The following OSBPL1A variants were observed in gnomAD, a reference collection of about 807,000 sequenced individuals.
The protein encoded by OSBPL1A is oxysterol-binding protein-related protein 1.
In OSBPL1A, 80 loss-of-function variants were observed where a neutral mutation model predicts 137.1. The observed-to-expected ratio is 0.58, with a 90% confidence interval of 0.49 to 0.70. The LOEUF (loss-of-function observed/expected upper bound fraction) is 0.70. Ranked by LOEUF, OSBPL1A falls within the 30% of genes least tolerant of loss-of-function variation. The probability of loss-of-function intolerance (pLI) is 0.00; values close to 1 mark genes in which losing one functional copy is unlikely to be tolerated. For synonymous variants in OSBPL1A, 365 were observed against 389.7 expected (o/e 0.94, Z 0.75); for missense variants, 970 against 1,129.4 (o/e 0.86, Z 2.02).
At chr18:24,377,323 A>C in intron 2 of OSBPL1A, 90 bp downstream of exon 2, 1 of 1,414,620 alleles carries the variant, frequency 7.1e-7, no homozygotes, top group Non-Finnish European at 9.4e-7. Context: ...GAGATTAATT[A>C]CATGATAGAT....
At chr18:24,334,088 T>A (rs2091129509) in intron 6 of OSBPL1A, among the ~76,000 whole-genome samples, 157 bp downstream of exon 6, 1 of 152,134 alleles carries the variant, frequency 6.6e-6, no homozygotes, top group Admixed American at 6.6e-5. Context: ...ATGCTGAGTG[T>A]TTTTAGATAT....
intron 18 of OSBPL1A, chr18:24,195,905 T>G (rs369933208): frequency 1.9e-4 from 89 of 466,998 alleles, no homozygotes; most frequent in South Asian, 7.4e-4. Context: ...CAGTTTCTGT[T>G]TGTTTTTTTT....
Position 24,283,212 on chromosome 18 carries a change from C to T in OSBPL1A, c.1175-2264G>A, listed in dbSNP as rs145854549. ...CCTGGGACGTGGAGGTTGCAGTAAG[C>T]GGAGATGGCACCACAGCACTCCAGC... is the stretch of plus-strand genomic sequence containing the variant. On this transcript the variant is annotated intron_variant, in intron 14 of 27. Transcript: ENST00000319481. Among the ~76,000 whole-genome samples the T allele has an allele frequency of 3.0e-3, 407 of 135,008 alleles. 2 individuals are homozygous for T. Among genetic ancestry groups the T allele is most frequent in the African/African-American group, 0.011 (374 of 35,588 alleles). 88.6% of individuals were successfully genotyped at this position (135,008 alleles called of 152,430 possible). A position where few individuals can be genotyped will look rare whatever the true frequency, so the allele number is the denominator to read the frequency against.
intron 15 of OSBPL1A, among the ~76,000 whole-genome samples, chr18:24,257,220 T>C (rs1484608448): frequency 6.6e-6 from 1 of 152,130 alleles, no homozygotes; most frequent in Admixed American, 6.5e-5. Flanking sequence ...ATTACCTGAC[T>C]TCAAATTACA....
chr18:24,270,298 A>G (rs979021975), intron 15 of OSBPL1A, among the ~76,000 whole-genome samples: 3 of 152,336 alleles, frequency 2.0e-5, no homozygotes, highest in Non-Finnish European at 4.4e-5. Flanking sequence ...ACAATATTTA[A>G]ACATGCTCAA....
At chr18:24,340,598 A>G (rs2091259120) in intron 5 of OSBPL1A, among the ~76,000 whole-genome samples, 1 of 152,130 alleles carries the variant, frequency 6.6e-6, no homozygotes, top group Non-Finnish European at 1.5e-5. Flanking sequence ...TGAGGTCAGG[A>G]GTTCAAGACT....
At chr18:24,230,203 T>C (rs976109246) in intron 16 of OSBPL1A, among the ~76,000 whole-genome samples, 2 of 152,078 alleles carry the variant, frequency 1.3e-5, no homozygotes, top group African/African-American at 2.4e-5. Context: ...TCTCTTGCAG[T>C]AGGGTTAGGC....
intron 17 of OSBPL1A, among the ~76,000 whole-genome samples, chr18:24,205,881 A>C (rs1215056169): frequency 6.6e-6 from 1 of 152,160 alleles, no homozygotes; most frequent in Non-Finnish European, 1.5e-5. Flanking sequence ...CTTTTCCCCT[A>C]GGAAGCCTTT....
At chr18:24,265,875 C>T (rs1396355281) in intron 15 of OSBPL1A, among the ~76,000 whole-genome samples, 1 of 152,230 alleles carries the variant, frequency 6.6e-6, no homozygotes, top group Non-Finnish European at 1.5e-5. Flanking sequence ...ATTCCCATCA[C>T]CACCTACTGC....
chr18:24,337,641 G>A (rs905626111), intron 5 of OSBPL1A, among the ~76,000 whole-genome samples: 1 of 151,304 alleles, frequency 6.6e-6, no homozygotes, highest in Admixed American at 6.6e-5. Context: ...GGAGATGAAA[G>A]GGATGATGTC....
At chr18:24,269,999 G>A (rs910416882) in intron 15 of OSBPL1A, among the ~76,000 whole-genome samples, 1 of 152,048 alleles carries the variant, frequency 6.6e-6, no homozygotes, top group Non-Finnish European at 1.5e-5. Flanking sequence ...TGTCTTAGCT[G>A]CTTCCAAAAT....
Position 24,335,144 on chromosome 18 carries a change from A to G in OSBPL1A, c.395-814T>C, listed in dbSNP as rs1341975812. The stretch of plus-strand genomic sequence containing the variant: ...GGCCTGAAGCAGTCTTCCTGCATCG[A>G]CTTTTCAAAGCACTGAGATTATAGG... On this transcript the variant is annotated intron_variant, in intron 5 of 27. Coordinates refer to ENST00000319481, the MANE Select transcript of OSBPL1A (RefSeq NM_080597.4). Among the ~76,000 whole-genome samples the G allele has an allele frequency of 3.3e-5, 5 of 152,100 alleles. No individual in the cohort carries two copies. The East Asian group carries it at 7.7e-4, about 23-fold the overall frequency.
chr18:24,287,896 C>T (rs527872437), intron 14 of OSBPL1A, among the ~76,000 whole-genome samples: 1 of 152,330 alleles, frequency 6.6e-6, no homozygotes, highest in Non-Finnish European at 1.5e-5. Flanking sequence ...GATTCTTCAA[C>T]CTTGCTGCCT....
chr18:24,314,125 A>G, intron 12 of OSBPL1A, 124 bp downstream of exon 12: 1 of 580,800 alleles, frequency 1.7e-6, no homozygotes. Flanking sequence ...ATAAATAAAA[A>G]TTTAAAAAAA....
At chr18:24,234,745 T>C (rs993116515) in intron 16 of OSBPL1A, among the ~76,000 whole-genome samples, 9 of 152,260 alleles carry the variant, frequency 5.9e-5, no homozygotes, top group African/African-American at 2.2e-4. Context: ...TTTTAAAAGA[T>C]TAAACATTTA....
At chr18:24,321,027 TC>T (rs2090840412) in intron 7 of OSBPL1A, among the ~76,000 whole-genome samples, 1 of 40,708 alleles carries the variant, frequency 2.5e-5, no homozygotes. Context: ...AGACTTCGTC[TC>T]AAAAAAAAAA....
intron 27 of OSBPL1A, 65 bp from the exon 28 acceptor site, chr18:24,163,346 C>G (rs763795527): frequency 4.9e-5 from 59 of 1,216,490 alleles, no homozygotes; most frequent in Non-Finnish European, 7.1e-5. Context: ...TGTTTCTTCA[C>G]TAGTTTGCAG....
chr18:24,168,517 G>A (rs775028027), intron 24 of OSBPL1A, among the ~76,000 whole-genome samples: 12 of 152,208 alleles, frequency 7.9e-5, no homozygotes, highest in Non-Finnish European at 8.8e-5. Context: ...AGTGCTGTAT[G>A]TATGCAGTCT....
At chr18:24,270,526 C>G (rs1200708949) in intron 15 of OSBPL1A, among the ~76,000 whole-genome samples, 1 of 152,136 alleles carries the variant, frequency 6.6e-6, no homozygotes, top group Non-Finnish European at 1.5e-5. Context: ...CAGGCTGATA[C>G]AAGTTCCTTT....
Sources: allele counts gnomAD v4.1 joint callset (sites outside exome capture counted in the v4.1 genomes callset), GRCh38; gene constraint gnomAD v4.1.1; transcripts MANE v1.5; gene names NCBI Gene and HGNC (gene_info 2026-07-23, HGNC 2026-07-21).